The following ITGAE variants were observed in gnomAD, a reference collection of about 807,000 sequenced individuals.
The protein encoded by ITGAE is integrin alpha-E.
A neutral mutation model predicts 136.5 loss-of-function variants in ITGAE; 99 were observed. That is an observed-to-expected ratio of 0.73 (90% CI 0.62 to 0.86). The LOEUF (loss-of-function observed/expected upper bound fraction) is 0.86, where lower values mean the gene tolerates loss of function less well. ITGAE is among the 40% of genes least tolerant of loss of function. The probability of loss-of-function intolerance (pLI) is 0.00; values close to 1 mark genes in which losing one functional copy is unlikely to be tolerated. For synonymous variants in ITGAE, 613 were observed against 591.8 expected, an observed-to-expected ratio of 1.04 and a Z score of -0.52; for missense variants, 1,447 against 1,515.3, an observed-to-expected ratio of 0.95 and a Z score of 0.75.
intron 17 of ITGAE, among the ~76,000 whole-genome samples, chr17:3,747,605 G>C (rs767223890): frequency 6.6e-6 from 1 of 152,128 alleles, no homozygotes; most frequent in Non-Finnish European, 1.5e-5. Flanking sequence ...CACCGCGCCC[G>C]GCCTTCTGAG....
chr17:3,770,303 T>C (rs1328006264), intron 2 of ITGAE, among the ~76,000 whole-genome samples: 1 of 150,886 alleles, frequency 6.6e-6, no homozygotes, highest in East Asian at 2.0e-4. Context: ...TTTTTTTTGG[T>C]ATCTTTAGTA....
chr17:3,721,065 A>C (rs1332084879), intron 28 of ITGAE, among the ~76,000 whole-genome samples: 9 of 151,630 alleles, frequency 5.9e-5, no homozygotes, highest in Non-Finnish European at 1.3e-4. Context: ...AGTAGCTGAG[A>C]CCACAGGTGC....
At chr17:3,762,099 C>T (rs2052187146) in intron 3 of ITGAE, 117 bp from the exon 4 acceptor site, 1 of 786,484 alleles carries the variant, frequency 1.3e-6, no homozygotes. Flanking sequence ...AACTGTTGGC[C>T]ACTCAGAGAA....
chr17:3,753,153 C>T (rs373731380), intron 14 of ITGAE, 137 bp downstream of exon 14: 32 of 900,588 alleles, frequency 3.6e-5, no homozygotes, highest in Middle Eastern at 6.7e-4. Flanking sequence ...CCCGCCCAGC[C>T]GCCATCCAGC....
In ITGAE at chr17:3,753,846, G is replaced by A. The variant is rs202094657; in HGVS notation, c.1464C>T (p.Ala488=). Residue 488 remains alanine, a synonymous_variant, in exon 13 of 31, where the codon GCC becomes GCT. Transcript: ENST00000263087. ...TGCCCTCCTTCTGGAGCTCAAACAC[G>A]GCCCCATGATGTTTGTACCGTGGAG... ...AGAPRYKHHG[A]VFELQKEGRE... 2.5e-6 allele frequency: 4 copies of A among 1,614,134 alleles called. No individual in the cohort carries two copies. The highest frequency in any genetic ancestry group is 4.5e-5 in the East Asian group (2 of 44,876).
intron 11 of ITGAE, 150 bp from the exon 12 acceptor site, chr17:3,755,411 G>A (rs913631685): frequency 2.1e-6 from 2 of 948,524 alleles, no homozygotes; most frequent in Non-Finnish European, 3.0e-6. Flanking sequence ...AGATGCAGGC[G>A]GGAAGGTGAG....
chr17:3,775,731 A>G (rs2052524669), intron 2 of ITGAE, among the ~76,000 whole-genome samples: 1 of 152,050 alleles, frequency 6.6e-6, no homozygotes, highest in African/African-American at 2.4e-5. Flanking sequence ...CGGCCTCCCA[A>G]AGTGCTGGGA....
intron 1 of ITGAE, among the ~76,000 whole-genome samples, chr17:3,780,125 C>A (rs1459222446): frequency 6.6e-6 from 1 of 151,880 alleles, no homozygotes; most frequent in East Asian, 1.9e-4. Flanking sequence ...AGGCATGTGC[C>A]ACCATGCCCG....
At chr17:3,794,093 C>T (rs1370252428) in intron 1 of ITGAE, among the ~76,000 whole-genome samples, 3 of 150,554 alleles carry the variant, frequency 2.0e-5, no homozygotes, top group African/African-American at 7.4e-5. Flanking sequence ...ATTCTCCTGC[C>T]TAAGCCTCCC....
Position 3,786,092 on chromosome 17 carries a change from G to A in ITGAE, c.35-8432C>T, listed in dbSNP as rs539242472. ...TGAGGCAGGAGAATGGCGTGAACCC[G>A]GGAGGCGGAGCTTGCAGTGAGCCGA... On this transcript the variant is annotated intron_variant, in intron 1 of 30. Transcript: ENST00000263087. Among the ~76,000 whole-genome samples the A allele has an allele frequency of 9.9e-3, 1,489 of 151,114 alleles. 12 individuals are homozygous for A. The highest frequency in any genetic ancestry group is 0.016 in the Non-Finnish European group (1,110 of 67,776).
At chr17:3,762,244 G>A (rs1464620005) in intron 3 of ITGAE, among the ~76,000 whole-genome samples, 1 of 152,230 alleles carries the variant, frequency 6.6e-6, no homozygotes, top group African/African-American at 2.4e-5. Flanking sequence ...CCAGCCTTGT[G>A]AGCGTGGTGA....
chr17:3,781,165 G>A (rs762292834), intron 1 of ITGAE, among the ~76,000 whole-genome samples: 16 of 152,284 alleles, frequency 1.1e-4, no homozygotes, highest in Admixed American at 3.9e-4. Flanking sequence ...TGTTATAGAT[G>A]CCGCTTCTCA....
intron 1 of ITGAE, among the ~76,000 whole-genome samples, chr17:3,782,641 G>A (rs1333859641): frequency 6.6e-6 from 1 of 152,080 alleles, no homozygotes; most frequent in African/African-American, 2.4e-5. Flanking sequence ...TTACAGGTGT[G>A]AGCCACTGCT....
intron 20 of ITGAE, 114 bp downstream of exon 20, chr17:3,739,691 G>C (rs2051538664): frequency 2.3e-6 from 2 of 863,384 alleles, no homozygotes; most frequent in South Asian, 2.7e-5. Flanking sequence ...GAAGCCATTT[G>C]TGGGCCACGG....
intron 1 of ITGAE, among the ~76,000 whole-genome samples, chr17:3,788,400 C>G (rs973620513): frequency 6.6e-6 from 1 of 151,204 alleles, no homozygotes; most frequent in African/African-American, 2.4e-5. Context: ...AGTGGTTTTC[C>G]TGCCTCAGCC....
intron 8 of ITGAE, among the ~76,000 whole-genome samples, chr17:3,759,139 A>C (rs538077022): frequency 2.0e-5 from 3 of 150,686 alleles, no homozygotes; most frequent in African/African-American, 7.3e-5. Context: ...AAAAAAACAA[A>C]AAAAAAAAAC....
At chr17:3,722,128 G>A (rs933222656) in intron 28 of ITGAE, among the ~76,000 whole-genome samples, 6 of 151,598 alleles carry the variant, frequency 4.0e-5, no homozygotes, top group African/African-American at 4.8e-5. Context: ...GCAGTGAGCC[G>A]AGATCGTGCC....
At chr17:3,737,629 C>T (rs1444594766) in intron 20 of ITGAE, among the ~76,000 whole-genome samples, 2 of 152,172 alleles carry the variant, frequency 1.3e-5, no homozygotes, top group Non-Finnish European at 2.9e-5. Flanking sequence ...GGCGTGAGAC[C>T]TCAGTGTCAT....
At chr17:3,725,865 C>G in intron 26 of ITGAE, 1 of 1,599,934 alleles carries the variant, frequency 6.3e-7, no homozygotes, top group African/African-American at 1.4e-5. Flanking sequence ...GGCATCACTG[C>G]GCTTTGAGCA....
Sources: gnomAD v4.1 joint callset for allele counts (sites outside exome capture counted in the v4.1 genomes callset) on GRCh38, gnomAD v4.1.1 for gene constraint, MANE v1.5 for transcripts, NCBI Gene and HGNC (gene_info 2026-07-23, HGNC 2026-07-21) for gene names.